PGAP4: variants seen among roughly 807,000 people sequenced by gnomAD.
The protein encoded by PGAP4 is post-GPI attachment to proteins GalNAc transferase 4.
PGAP4 carries 12 observed loss-of-function variants against 28.2 expected under a neutral mutation model. The observed-to-expected ratio is 0.42, with a 90% CI of 0.27 to 0.69. The LOEUF (loss-of-function observed/expected upper bound fraction) is 0.69. PGAP4 is among the 30% of genes least tolerant of loss of function. PGAP4 has a pLI of 0.22. For synonymous variants in PGAP4, 205 were observed against 211.8 expected (o/e 0.97, Z 0.28); for missense variants, 425 against 513.5 (o/e 0.83, Z 1.67).
intron 2 of PGAP4, among the ~76,000 whole-genome samples, chr9:101,507,486 C>T (rs1023874438): frequency 6.6e-6 from 1 of 151,928 alleles, no homozygotes; most frequent in Non-Finnish European, 1.5e-5. Context: ...TCTGTGAGTC[C>T]CTAATATTTT....
rs1049865780 is a variant in PGAP4, at chr9:101,486,037, C to A, written c.-78+912G>T. Reference sequence around the variant, plus strand: ...TCATCATTGGAGCCGCCCTGCGGTCCCCCGGAGAGAGCCTGGGCCGAGCAG... The same window carrying A: ...TCATCATTGGAGCCGCCCTGCGGTCACCCGGAGAGAGCCTGGGCCGAGCAG... On this transcript the variant is annotated intron_variant, in intron 1 of 1. Transcript: ENST00000374848. This position sits in a 1 kb window ranked among gnomAD's most constrained non-coding sequence, Gnocchi z 4.7. Among the ~76,000 whole-genome samples, 25 of 152,146 alleles carry A rather than the reference C, an allele frequency of 1.6e-4. No individual in the cohort carries two copies. Among genetic ancestry groups the A allele is most frequent in the African/African-American group, 6.0e-4 (25 of 41,436 alleles).
intron 2 of PGAP4, among the ~76,000 whole-genome samples, chr9:101,530,125 ACAAAAAT>A (rs1827074726): frequency 6.6e-6 from 1 of 152,256 alleles, no homozygotes; most frequent in African/African-American, 2.4e-5. Flanking sequence ...AAAACAATAA[ACAAAAAT>A]CCAAAATATC....
intron 2 of PGAP4, among the ~76,000 whole-genome samples, chr9:101,501,367 C>T (rs553463262): frequency 5.1e-4 from 77 of 152,066 alleles, no homozygotes; most frequent in African/African-American, 1.1e-3. Context: ...CATGGTACCA[C>T]GGAAAGTGAA....
At chr9:101,524,396 T>C (rs922520822) in intron 2 of PGAP4, among the ~76,000 whole-genome samples, 4 of 152,146 alleles carry the variant, frequency 2.6e-5, no homozygotes, top group African/African-American at 9.7e-5. Flanking sequence ...GGCCCCAGGC[T>C]ATCTACCTCC....
intron 2 of PGAP4, among the ~76,000 whole-genome samples, chr9:101,527,240 T>C (rs1827042639): frequency 6.6e-6 from 1 of 152,208 alleles, no homozygotes; most frequent in Non-Finnish European, 1.5e-5. Flanking sequence ...GTAACTGCAT[T>C]AGTCATCAAT....
Position 101,475,948 on chromosome 9 carries a change from G to A in PGAP4, c.1145C>T (p.Pro382Leu), listed in dbSNP as rs1187517409. The A allele has an allele frequency of 4.3e-6, 7 of 1,614,076 alleles. No homozygotes were observed. The highest frequency in any genetic ancestry group is 2.7e-5 in the African/African-American group (2 of 74,920). ...GAGCCCGATGTGTTTCACGAGGTTCGGCTCCACTACATAGGCCCTCTCTCC... is the reference window on the plus strand; with the variant it reads ...GAGCCCGATGTGTTTCACGAGGTTCAGCTCCACTACATAGGCCCTCTCTCC... ...AKGERAYVVE[P>L]NLVKHIGLFS... Residue 382 changes from proline (P) to leucine (L), a missense_variant, in exon 2 of 2, where the codon CCG (proline) becomes CTG (leucine). Physicochemically the swap from Pro to Leu is moderately conservative, Grantham distance 98 (BLOSUM62 -3). Coordinates refer to ENST00000374848, the MANE Select transcript of PGAP4 (RefSeq NM_032342.3).
intron 2 of PGAP4, among the ~76,000 whole-genome samples, chr9:101,519,166 G>A (rs1171576612): frequency 6.6e-6 from 1 of 151,834 alleles, no homozygotes; most frequent in Non-Finnish European, 1.5e-5. Context: ...GTTTTGTTTT[G>A]TTTTGTTTTT....
At chr9:101,504,533 T>TTG (rs1826833386) in intron 2 of PGAP4, among the ~76,000 whole-genome samples, 1 of 151,998 alleles carries the variant, frequency 6.6e-6, no homozygotes, top group East Asian at 1.9e-4. Flanking sequence ...TTCTCTCTCT[T>TTG]TCTGTGCCTC....
chr9:101,508,680 A>G (rs1415358332), intron 2 of PGAP4, among the ~76,000 whole-genome samples: 1 of 152,184 alleles, frequency 6.6e-6, no homozygotes, highest in Non-Finnish European at 1.5e-5. Context: ...TGGTTTCAGA[A>G]TGATTCAAGT....
At chr9:101,510,270 G>A (rs1362185178) in intron 2 of PGAP4, among the ~76,000 whole-genome samples, 2 of 152,120 alleles carry the variant, frequency 1.3e-5, no homozygotes, top group African/African-American at 2.4e-5. Context: ...TTCACCAATA[G>A]TAAAGGGCTT....
chr9:101,523,494 T>C (rs1046239714), intron 2 of PGAP4, among the ~76,000 whole-genome samples: 2 of 151,674 alleles, frequency 1.3e-5, no homozygotes, highest in African/African-American at 4.8e-5. Context: ...TTCAATTCTA[T>C]TGTTGAGACT....
At chr9:101,497,611 C>T (rs1826762827) in intron 2 of PGAP4, among the ~76,000 whole-genome samples, 1 of 151,510 alleles carries the variant, frequency 6.6e-6, no homozygotes, top group East Asian at 1.9e-4. Context: ...ATAAAGTTGT[C>T]TGACCAGTAA....
At position 101,475,665 on chromosome 9, in the gene PGAP4, G is replaced by C; in HGVS notation, c.*216C>G. The C allele has an allele frequency of 1.7e-6, 1 of 585,722 alleles. No homozygotes were observed. Among genetic ancestry groups the C allele is most frequent in the Non-Finnish European group, 3.0e-6 (1 of 331,106 alleles). The allele number at this position is 585,722 out of a possible 1,614,324, so 36.3% of individuals were successfully genotyped here. ...CTGCATGAGGCAGTGTGGCTGTGTG[G>C]AGGGAGAGGTCCGGACCTGTGGCAA... On this transcript the variant is annotated 3_prime_UTR_variant, in exon 2 of 2. Coordinates refer to ENST00000374848, the MANE Select transcript of PGAP4 (RefSeq NM_032342.3).
At chr9:101,515,758 C>T (rs1826938976) in intron 2 of PGAP4, among the ~76,000 whole-genome samples, 1 of 151,924 alleles carries the variant, frequency 6.6e-6, no homozygotes, top group South Asian at 2.1e-4. Flanking sequence ...TGAGAATTAA[C>T]AAATTTCTTT....
intron 2 of PGAP4, among the ~76,000 whole-genome samples, chr9:101,531,020 C>A (rs1449246286): frequency 6.6e-6 from 1 of 152,072 alleles, no homozygotes; most frequent in East Asian, 1.9e-4. Flanking sequence ...CAAAGACTAA[C>A]CTCCCCTGAG....
chr9:101,523,628 T>A lies in PGAP4; in HGVS notation c.-165+7720A>T, dbSNP rs1206299032. Among the ~76,000 whole-genome samples the A allele has an allele frequency of 1.9e-3, 122 of 63,780 alleles. 2 individuals carry two copies. Among genetic ancestry groups the A allele is most frequent in the South Asian group, 0.013 (19 of 1,484 alleles). The allele number at this position is 63,780 out of a possible 152,430, so 41.8% of individuals were successfully genotyped here. ...CCCTCACTTCTTGTATCTTTTTTTTTTTTTTTTTTTTTTTTTTTTTTTTTG... is the reference window on the plus strand; with the variant it reads ...CCCTCACTTCTTGTATCTTTTTTTTATTTTTTTTTTTTTTTTTTTTTTTTG... On this transcript the variant is annotated intron_variant, in intron 2 of 3. Transcript: ENST00000374851.
chr9:101,503,551 A>G (rs72743390), intron 2 of PGAP4, among the ~76,000 whole-genome samples: 24,600 of 152,036 alleles, frequency 0.16, 2,479 homozygotes, highest in East Asian at 0.36. Flanking sequence ...ATGCATAGAT[A>G]ATAATAATTA....
At chr9:101,505,825 A>G (rs542818595) in intron 2 of PGAP4, among the ~76,000 whole-genome samples, 3 of 152,142 alleles carry the variant, frequency 2.0e-5, no homozygotes, top group Non-Finnish European at 4.4e-5. Flanking sequence ...CCCTGAAATT[A>G]TCTGGTTCGT....
chr9:101,493,274 A>T (rs1419977770), intron 2 of PGAP4, among the ~76,000 whole-genome samples: 1 of 149,800 alleles, frequency 6.7e-6, no homozygotes, highest in African/African-American at 2.5e-5. Flanking sequence ...AAAAAATAGT[A>T]AACTTATAAA....
Sources: gnomAD v4.1 joint callset for allele counts (sites outside exome capture counted in the v4.1 genomes callset) on GRCh38, gnomAD v4.1.1 for gene constraint, Gnocchi (gnomAD v3.1) non-coding constraint, MANE v1.5 for transcripts, NCBI Gene and HGNC (gene_info 2026-07-23, HGNC 2026-07-21) for gene names.